Variants in PHAX observed in about 807,000 individuals in gnomAD.
PHAX encodes phosphorylated adapter RNA export protein.
Under a neutral mutation model 41.6 loss-of-function variants are expected in PHAX, and 31 were observed. The ratio of observed to expected loss-of-function variants is 0.75; its 90% CI spans 0.56 to 1.01. PHAX has a LOEUF of 1.01. Ranked by LOEUF, PHAX falls within the 50% of genes least tolerant of loss-of-function variation. The pLI is 0.00. For synonymous variants in PHAX, 175 were observed against 164.9 expected, an observed-to-expected ratio of 1.06 and a Z score of -0.47; for missense variants, 453 against 472.9, an observed-to-expected ratio of 0.96 and a Z score of 0.39.
chr5:126,616,131 C>T (rs930887222), intron 3 of PHAX, among the ~76,000 whole-genome samples: 9 of 146,000 alleles, frequency 6.2e-5, no homozygotes, highest in African/African-American at 1.3e-4. Context: ...TTGCTCTTGT[C>T]GTCCAGGCTA....
intron 3 of PHAX, 73 bp from the exon 4 acceptor site, chr5:126,617,177 T>C: frequency 1.2e-6 from 1 of 842,734 alleles, no homozygotes; most frequent in Non-Finnish European, 2.0e-6. Context: ...CTTAATTGTG[T>C]CTCTGTTAAA....
At chr5:126,616,074 G>T (rs1197901796) in intron 3 of PHAX, among the ~76,000 whole-genome samples, 1 of 139,698 alleles carries the variant, frequency 7.2e-6, no homozygotes, top group Non-Finnish European at 1.5e-5. Context: ...TTGAAATAGA[G>T]GTTTGCATGA....
At chr5:126,605,990 G>A (rs1329329678) in intron 2 of PHAX, among the ~76,000 whole-genome samples, 1 of 152,100 alleles carries the variant, frequency 6.6e-6, no homozygotes, top group African/African-American at 2.4e-5. Context: ...GATCCCTTAT[G>A]TCCACATGCC....
intron 4 of PHAX, among the ~76,000 whole-genome samples, chr5:126,623,710 A>G (rs1031512433): frequency 1.3e-5 from 2 of 152,144 alleles, no homozygotes; most frequent in African/African-American, 2.4e-5. Context: ...GCTTGTAACT[A>G]TTTAGCATAA....
At position 126,604,058 on chromosome 5, in the gene PHAX, T is replaced by G. The variant is rs1178222592; in HGVS notation, c.585T>G (p.Gly195=). The G allele has an allele frequency of 6.2e-7, 1 of 1,613,386 alleles. No individual in the cohort carries two copies. Among genetic ancestry groups the G allele is most frequent in the African/African-American group, 1.3e-5 (1 of 74,692 alleles). The change falls in exon 2 of 5, where the codon GGT becomes GGG. Residue 195 remains glycine (G), a synonymous_variant. Transcript: ENST00000297540. ...CAAAGGAAGAGGAAAATGGGCAAGG[T>G]CATCTCAAAAGGAAACGACCTGTCA... ...MGSKEEENGQ[G]HLKRKRPVKD... is the part of the protein sequence containing the mutation.
intron 4 of PHAX, among the ~76,000 whole-genome samples, chr5:126,618,626 T>A (rs1399607294): frequency 8.5e-6 from 1 of 116,992 alleles, no homozygotes; most frequent in Admixed American, 8.0e-5. Flanking sequence ...TTTAATTAAA[T>A]TTTTTTTTTT....
chr5:126,602,641 G>T (rs1385562621), intron 1 of PHAX, among the ~76,000 whole-genome samples: 7 of 152,172 alleles, frequency 4.6e-5, no homozygotes, highest in Non-Finnish European at 4.4e-5. Context: ...TCAATCTCAG[G>T]TTGTTTTTAC....
rs759972938 is a variant in PHAX at position 126,624,697 on chromosome 5, T to C, written c.1038T>C (p.Asp346=). 1 of 1,614,212 alleles carries C rather than the reference T, an allele frequency of 6.2e-7. No individual in the cohort carries two copies. The highest frequency in any genetic ancestry group is 1.7e-5 in the Admixed American group (1 of 60,024). The change falls in exon 5 of 5, where the codon GAT becomes GAC. Residue 346 remains aspartate, a synonymous_variant. Coordinates refer to ENST00000297540, the MANE Select transcript of PHAX (RefSeq NM_032177.4). ...QAIKSLNFQE[D]DDTSRETFAS... is the part of the protein sequence containing the mutation. ...TTAAAAGTCTAAATTTTCAAGAAGA[T>C]GATGATACATCACGAGAAACTTTTG...
chr5:126,623,675 C>A (rs987975370), intron 4 of PHAX, among the ~76,000 whole-genome samples: 18 of 152,182 alleles, frequency 1.2e-4, no homozygotes, highest in Non-Finnish European at 2.1e-4. Flanking sequence ...GATCTTTACA[C>A]CTTCCTCTGT....
chr5:126,601,045 C>G lies in PHAX; in HGVS notation c.83C>G (p.Pro28Arg). ...SDMTVAPSDR[P>R]LQLPKVLGGD... ...ATGACGGTCGCACCCAGCGACAGGC[C>G]GCTGCAATTGCCAGTGAGTGTGAAA... Residue 28 changes from proline (P) to arginine (R), a missense_variant, in exon 1 of 5, where the codon CCG (proline) becomes CGG (arginine). By Grantham distance (103) the Pro-to-Arg change is moderately radical (BLOSUM62 -2). Transcript: ENST00000297540. 1 of 1,605,558 alleles carries G rather than the reference C, an allele frequency of 6.2e-7. No individual in the cohort carries two copies. The highest frequency in any genetic ancestry group is 8.5e-7 in the Non-Finnish European group (1 of 1,175,958).
intron 4 of PHAX, among the ~76,000 whole-genome samples, 198 bp from the exon 5 acceptor site, chr5:126,624,377 A>C (rs910160214): frequency 9.2e-5 from 14 of 152,124 alleles, no homozygotes; most frequent in Non-Finnish European, 2.9e-5. Flanking sequence ...CCTAAACCTA[A>C]CACTAGGCTG....
At chr5:126,617,937 C>T (rs1214670582) in intron 4 of PHAX, among the ~76,000 whole-genome samples, 2 of 151,910 alleles carry the variant, frequency 1.3e-5, no homozygotes, top group Non-Finnish European at 1.5e-5. Flanking sequence ...ATTTGTTTCT[C>T]TATTTCTTTC....
intron 4 of PHAX, among the ~76,000 whole-genome samples, chr5:126,620,326 A>ATTTT (rs1752250326): frequency 6.6e-6 from 1 of 152,224 alleles, no homozygotes; most frequent in Non-Finnish European, 1.5e-5. Context: ...TTCTTGACAA[A>ATTTT]AAGTATGTAC....
intron 4 of PHAX, among the ~76,000 whole-genome samples, 158 bp downstream of exon 4, chr5:126,617,491 A>T (rs6861893): frequency 0.26 from 40,137 of 151,664 alleles, 6,614 homozygotes; most frequent in African/African-American, 0.45. Flanking sequence ...TTATTTATTT[A>T]TTTTTGAGGC....
chr5:126,612,347 A>G (rs1385184479), intron 3 of PHAX, among the ~76,000 whole-genome samples: 1 of 152,162 alleles, frequency 6.6e-6, no homozygotes, highest in African/African-American at 2.4e-5. Flanking sequence ...TGCCATCTTA[A>G]GGAATTTTCC....
chr5:126,601,763 T>G (rs956789763), intron 1 of PHAX, among the ~76,000 whole-genome samples: 8 of 151,952 alleles, frequency 5.3e-5, no homozygotes, highest in Non-Finnish European at 2.9e-5. Context: ...GCCTCCCGGG[T>G]TCAAGCGATT....
chr5:126,606,711 G>A (rs1237679338), intron 2 of PHAX, among the ~76,000 whole-genome samples: 2 of 149,252 alleles, frequency 1.3e-5, no homozygotes, highest in Admixed American at 6.7e-5. Flanking sequence ...GAGTGCAGTG[G>A]CATGATCTCA....
Position 126,604,094 on chromosome 5 carries a change from A to G in PHAX, c.621A>G (p.Leu207=), listed in dbSNP as rs759873735. Residue 207 remains leucine (L), a synonymous_variant, in exon 2 of 5, where the codon CTA becomes CTG. Coordinates refer to ENST00000297540, the MANE Select transcript of PHAX (RefSeq NM_032177.4). ...LKRKRPVKDR[L]GNRPEMNYKG... The stretch of plus-strand genomic sequence containing the variant: ...GGAAACGACCTGTCAAAGACAGGCT[A>G]GGGAACAGACCAGAAATGAACTATA... 8 of 1,613,106 alleles carry G rather than the reference A, an allele frequency of 5.0e-6. No individual in the cohort carries two copies. Among genetic ancestry groups the G allele is most frequent in the East Asian group, 2.2e-5 (1 of 44,898 alleles).
Position 126,603,632 on chromosome 5 carries a change from A to G in PHAX, c.159A>G (p.Pro53=), listed in dbSNP as rs1029511720. The G allele has an allele frequency of 5.0e-6, 8 of 1,613,870 alleles. No individual in the cohort carries two copies. In the African/African-American group the frequency reaches 6.7e-5, roughly 13 times the overall value. The part of the protein sequence containing the change: ...AFQNTATACA[P]VSHYRAVESV... ...AGAACACGGCAACTGCATGTGCACC[A>G]GTATCACATTATCGAGCTGTTGAAA... Residue 53 remains proline (P), a synonymous_variant, in exon 2 of 5, where the codon CCA becomes CCG. Coordinates refer to ENST00000297540, the MANE Select transcript of PHAX (RefSeq NM_032177.4).
Sources: allele counts gnomAD v4.1 joint callset (sites outside exome capture counted in the v4.1 genomes callset), GRCh38; gene constraint gnomAD v4.1.1; transcripts MANE v1.5; gene names NCBI Gene and HGNC (gene_info 2026-07-23, HGNC 2026-07-21).